Variants in SNTG1 observed in about 807,000 individuals in gnomAD.
SNTG1 encodes the protein syntrophin gamma 1, also known as gamma-1-syntrophin.
Under a neutral mutation model 74.7 loss-of-function variants are expected in SNTG1, and 39 were observed. That is an observed-to-expected ratio of 0.52 (90% confidence interval 0.40 to 0.68). The LOEUF (loss-of-function observed/expected upper bound fraction) is 0.68. Among genes scored for constraint, SNTG1 ranks in the 30% least tolerant of loss-of-function variants. The probability of loss-of-function intolerance (pLI) is 0.00; values close to 1 mark genes in which losing one functional copy is unlikely to be tolerated. For missense variants in SNTG1, 685 were observed against 609.5 expected (o/e 1.12, Z -1.30); for synonymous variants, 254 against 217.1 (o/e 1.17, Z -1.49).
chr8:49,986,731 A>AAC (rs1554540307), intron 1 of SNTG1, among the ~76,000 whole-genome samples: 1 of 151,238 alleles, frequency 6.6e-6, no homozygotes, highest in Non-Finnish European at 1.5e-5. Context: ...AAAAAAAAAA[A>AAC]ATAGCCAGGT....
Position 49,934,088 on chromosome 8 carries a change from G to C in SNTG1, c.-103+21857G>C, listed in dbSNP as rs536948863. ...CAATCTGTGAGATGAGTGTGTGGACGTAAGTCTCTTATCTAGTTAGGATGT... is the reference window on the plus strand; with the variant it reads ...CAATCTGTGAGATGAGTGTGTGGACCTAAGTCTCTTATCTAGTTAGGATGT... On this transcript the variant is annotated intron_variant, in intron 1 of 18. Coordinates refer to ENST00000642720, the MANE Select transcript of SNTG1 (RefSeq NM_018967.5). Among the ~76,000 whole-genome samples the C allele has an allele frequency of 9.9e-5, 15 of 152,246 alleles. No homozygotes were observed. The East Asian group carries it at 2.9e-3, about 29-fold the overall frequency.
At chr8:50,626,088 G>A (rs1224524852) in intron 13 of SNTG1, among the ~76,000 whole-genome samples, 3 of 152,132 alleles carry the variant, frequency 2.0e-5, no homozygotes. Context: ...GCCAGCATAT[G>A]CTTTTTTGTA....
chr8:50,750,146 C>A (rs951395855), intron 17 of SNTG1, among the ~76,000 whole-genome samples: 5 of 151,900 alleles, frequency 3.3e-5, no homozygotes, highest in Non-Finnish European at 7.4e-5. Context: ...CAATTCTAAA[C>A]CCTCTTCGGA....
At chr8:50,740,358 CAT>C (rs1404373668) in intron 17 of SNTG1, among the ~76,000 whole-genome samples, 2 of 116,202 alleles carry the variant, frequency 1.7e-5, no homozygotes, top group Non-Finnish European at 3.3e-5. Flanking sequence ...GGCCAAAAAA[CAT>C]ATGAAAAAAA....
Position 50,107,478 on chromosome 8 carries a change from T to G in SNTG1, c.-102-65083T>G, listed in dbSNP as rs1286812315. ...AATAACTAGAATTAATTGCTTTCAC[T>G]TTTTTTAAAAGTTTAGGAGTAACTT... is the stretch of plus-strand genomic sequence containing the variant. On this transcript the variant is annotated intron_variant, in intron 1 of 18. Transcript: ENST00000642720. Among the ~76,000 whole-genome samples, 3 of 152,286 alleles carry G rather than the reference T, an allele frequency of 2.0e-5. No individual in the cohort carries two copies. In the East Asian group the frequency reaches 5.8e-4, roughly 29 times the overall value.
chr8:50,387,203 G>A (rs1036687094), intron 2 of SNTG1, among the ~76,000 whole-genome samples: 1 of 152,054 alleles, frequency 6.6e-6, no homozygotes, highest in African/African-American at 2.4e-5. Context: ...TGTCATCCCA[G>A]GATCCAATTA....
At chr8:50,450,424 C>A in intron 6 of SNTG1, 132 bp from the exon 7 acceptor site, 1 of 887,194 alleles carries the variant, frequency 1.1e-6, no homozygotes, top group Non-Finnish European at 1.7e-6. Context: ...TTTTGTGGAT[C>A]TTTTAAGATG....
chr8:50,775,620 G>A (rs1185156085), intron 18 of SNTG1, among the ~76,000 whole-genome samples: 1 of 151,562 alleles, frequency 6.6e-6, no homozygotes, highest in Non-Finnish European at 1.5e-5. Context: ...AAAAATGTTA[G>A]TTTGATCTTG....
intron 2 of SNTG1, among the ~76,000 whole-genome samples, chr8:50,298,270 GA>G (rs1269181691): frequency 1.3e-5 from 2 of 152,088 alleles, no homozygotes; most frequent in Admixed American, 1.3e-4. Flanking sequence ...ATAATACCTG[GA>G]AATTTGGAAA....
At chr8:50,140,292 G>T (rs2081613372) in intron 1 of SNTG1, among the ~76,000 whole-genome samples, 1 of 152,134 alleles carries the variant, frequency 6.6e-6, no homozygotes, top group South Asian at 2.1e-4. Flanking sequence ...ACATGGCATT[G>T]CATCTTTCCA....
At chr8:50,027,010 G>T (rs778456449) in intron 1 of SNTG1, among the ~76,000 whole-genome samples, 9 of 152,032 alleles carry the variant, frequency 5.9e-5, no homozygotes, top group African/African-American at 1.9e-4. Context: ...TTGCAGGATT[G>T]CTATGTCCTT....
At chr8:50,358,977 T>G (rs188579367) in intron 2 of SNTG1, among the ~76,000 whole-genome samples, 168 of 152,296 alleles carry the variant, frequency 1.1e-3, no homozygotes, top group Non-Finnish European at 1.7e-3. Flanking sequence ...ATTCTGTGCC[T>G]GAAAATATGG....
intron 2 of SNTG1, among the ~76,000 whole-genome samples, chr8:50,368,790 A>C (rs2092191112): frequency 6.6e-6 from 1 of 152,192 alleles, no homozygotes; most frequent in Non-Finnish European, 1.5e-5. Context: ...CTTCAGATTT[A>C]ATGAAATTGC....
At chr8:49,939,497 C>T (rs976082622) in intron 1 of SNTG1, among the ~76,000 whole-genome samples, 3 of 152,168 alleles carry the variant, frequency 2.0e-5, no homozygotes, top group African/African-American at 7.2e-5. Flanking sequence ...AACAGACTCC[C>T]ACTATGTAAA....
At chr8:49,965,302 A>C (rs1260498282) in intron 1 of SNTG1, among the ~76,000 whole-genome samples, 1 of 152,196 alleles carries the variant, frequency 6.6e-6, no homozygotes, top group Non-Finnish European at 1.5e-5. Flanking sequence ...GGTGATGACG[A>C]TGATGTTAAT....
At chr8:50,421,282 AGC>A in intron 4 of SNTG1, among the ~76,000 whole-genome samples, 1 of 152,054 alleles carries the variant, frequency 6.6e-6, no homozygotes. Context: ...TAGGCAGAGA[AGC>A]GTTCGGGGCT....
intron 1 of SNTG1, among the ~76,000 whole-genome samples, chr8:50,031,884 A>C (rs1381791201): frequency 1.3e-5 from 2 of 152,090 alleles, no homozygotes; most frequent in African/African-American, 4.8e-5. Context: ...GAATGTGTAG[A>C]ATTTACGTCT....
At position 49,914,787 on chromosome 8, in the gene SNTG1, G is replaced by A. The variant is rs570657511; in HGVS notation, c.-103+2556G>A. Among the ~76,000 whole-genome samples the A allele has an allele frequency of 2.6e-5, 4 of 152,240 alleles. No homozygotes were observed. The East Asian group carries it at 5.8e-4, about 22-fold the overall frequency. ...CCACTTAAAGATTTATAAATTCCAA[G>A]CAGCTAGCCTGCTTACTCACCTAGT... On this transcript the variant is annotated intron_variant, in intron 1 of 18. Transcript: ENST00000642720.
chr8:50,470,846 G>A (rs1374373777), intron 8 of SNTG1, among the ~76,000 whole-genome samples: 2 of 152,128 alleles, frequency 1.3e-5, no homozygotes, highest in African/African-American at 4.8e-5. Flanking sequence ...GTTGCTGCAG[G>A]GGGCTCTGGT....
Sources: gnomAD v4.1 joint callset for allele counts (sites outside exome capture counted in the v4.1 genomes callset) on GRCh38, gnomAD v4.1.1 for gene constraint, MANE v1.5 for transcripts, NCBI Gene and HGNC (gene_info 2026-07-23, HGNC 2026-07-21) for gene names.